FBXO38: variants seen among roughly 807,000 people sequenced by gnomAD.
FBXO38 encodes F-box only protein 38.
In FBXO38, 53 loss-of-function variants were observed where a neutral mutation model predicts 131.9. That is an observed-to-expected ratio of 0.40 (90% CI 0.32 to 0.51). FBXO38 has a LOEUF of 0.51. FBXO38 is among the 20% of genes least tolerant of loss of function. FBXO38 has a pLI of 0.53. For missense variants in FBXO38, 1,076 were observed against 1,475.6 expected (o/e 0.73, Z 4.44); for synonymous variants, 452 against 505.6 (o/e 0.89, Z 1.42).
In FBXO38 at chr5:148,427,666, G is replaced by A; in HGVS notation, c.2372G>A (p.Cys791Tyr). 1 of 1,614,200 alleles carries A rather than the reference G, an allele frequency of 6.2e-7. No individual in the cohort carries two copies. Among genetic ancestry groups the A allele is most frequent in the Non-Finnish European group, 8.5e-7 (1 of 1,180,036 alleles). ...PQESQRRTSRCSDEERPSTSR... is the reference protein window; with the variant it reads ...PQESQRRTSRYSDEERPSTSR... ...GAATCCCAAAGGAGAACTAGCAGGTGTTCTGATGAGGAACGTCCTTCAACC... is the reference window on the plus strand; with the variant it reads ...GAATCCCAAAGGAGAACTAGCAGGTATTCTGATGAGGAACGTCCTTCAACC... Residue 791 changes from cysteine to tyrosine, a missense_variant, in exon 15 of 22, where the codon TGT becomes TAT. This residue lies in a region of FBXO38 where 213 missense variants were observed against 225.2 expected (regional missense o/e 0.95). Transcript: ENST00000340253.
chr5:148,391,219 T>C (rs1167805989), intron 1 of FBXO38, among the ~76,000 whole-genome samples: 1 of 152,232 alleles, frequency 6.6e-6, no homozygotes, highest in Non-Finnish European at 1.5e-5. Flanking sequence ...AAATGGTTTT[T>C]AGCAGCAGCC....
chr5:148,407,622 T>C (rs1752513033), intron 7 of FBXO38, among the ~76,000 whole-genome samples: 1 of 150,782 alleles, frequency 6.6e-6, no homozygotes, highest in Admixed American at 6.6e-5. Context: ...TCAAAAGGCA[T>C]GATTGAGAGA....
At chr5:148,441,092 C>G in intron 20 of FBXO38, 32 bp from the exon 21 acceptor site, 1 of 1,531,308 alleles carries the variant, frequency 6.5e-7, no homozygotes, top group Non-Finnish European at 9.1e-7. Flanking sequence ...AGCACTCCCA[C>G]GCCAGTTAGC....
At chr5:148,405,333 T>TTTC in intron 6 of FBXO38, among the ~76,000 whole-genome samples, 1 of 152,212 alleles carries the variant, frequency 6.6e-6, no homozygotes, top group South Asian at 2.1e-4. Context: ...GCATAGGCTT[T>TTTC]TTCTTCTTCT....
At chr5:148,414,362 T>C in intron 10 of FBXO38, 56 bp downstream of exon 10, 1 of 1,349,076 alleles carries the variant, frequency 7.4e-7, no homozygotes, top group Non-Finnish European at 1.0e-6. Flanking sequence ...TAATACAACT[T>C]TCCATGTTTT....
intron 1 of FBXO38, among the ~76,000 whole-genome samples, chr5:148,385,828 A>C (rs1393884104): frequency 6.6e-6 from 1 of 152,232 alleles, no homozygotes; most frequent in East Asian, 1.9e-4. Context: ...AAAGAAAGGC[A>C]TGAGAAACTT....
rs1159494150 is a variant in FBXO38, at chr5:148,441,176, G to T, written c.3327G>T (p.Arg1109Ser). The change falls in exon 21 of 22, where the codon AGG becomes AGT. Residue 1109 changes from arginine (R) to serine (S), a missense_variant. By Grantham distance (110) the Arg-to-Ser change is moderately radical. Coordinates refer to ENST00000340253, the MANE Select transcript of FBXO38 (RefSeq NM_205836.3). The part of the protein sequence containing the change: ...YSMISDFPWL[R>S]SLRAAEPNSF... ...TGATTTCTGACTTCCCTTGGCTGAG[G>T]TCATTACGAGCTGCAGAGCCCAACA... 1 of 1,613,904 alleles carries T rather than the reference G, an allele frequency of 6.2e-7. No individual in the cohort carries two copies. The highest frequency in any genetic ancestry group is 1.7e-5 in the Admixed American group (1 of 59,972).
chr5:148,441,066 AG>A (rs1754656069), intron 20 of FBXO38, 57 bp from the exon 21 acceptor site: 3 of 1,095,390 alleles, frequency 2.7e-6, no homozygotes, highest in African/African-American at 1.5e-5. Flanking sequence ...AAAATACTGC[AG>A]AATTTGGCTC....
chr5:148,404,672 A>T lies in FBXO38; in HGVS notation c.593-13A>T, dbSNP rs61555444. ...TTTTTTCTTGTTTGTTCTTTTTTAT[A>T]TTTGTGTTTTAGGGGTGAATGTTCC... On this transcript the variant is annotated splice_polypyrimidine_tract_variant and intron_variant, in intron 5 of 21. Coordinates refer to ENST00000340253, the MANE Select transcript of FBXO38 (RefSeq NM_205836.3). 5.4e-3 allele frequency: 8,210 copies of T among 1,520,380 alleles called. 566 individuals carry two copies. The East Asian group carries it at 0.15, about 29-fold the overall frequency. The allele number at this position is 1,520,380 out of a possible 1,614,324, so 94.2% of individuals were successfully genotyped here. A position where few individuals can be genotyped will look rare whatever the true frequency, so the allele number is the denominator to read the frequency against.
At chr5:148,413,756 A>G (rs896825490) in intron 9 of FBXO38, 1 of 157,802 alleles carries the variant, frequency 6.3e-6, no homozygotes, top group Non-Finnish European at 1.4e-5. Context: ...ACATCATTTT[A>G]TTGTAAGGGA....
At position 148,414,114 on chromosome 5, in the gene FBXO38, TTTAA is replaced by T; in HGVS notation, c.1094-19_1094-16del. On this transcript the variant is annotated intron_variant, in intron 9 of 21. Coordinates refer to ENST00000340253, the MANE Select transcript of FBXO38 (RefSeq NM_205836.3). ...ACTTAAGAATTTGACTTTTTTTTTT[TTTAA>T]TTGATTGCTCTTTTTAGGCAGAATG... 5 of 1,580,378 alleles carry T rather than the reference TTTAA, an allele frequency of 3.2e-6. No individual in the cohort carries two copies. The highest frequency in any genetic ancestry group is 4.3e-6 in the Non-Finnish European group (5 of 1,169,704).
At chr5:148,399,239 T>C in intron 3 of FBXO38, 107 bp downstream of exon 3, 2 of 1,298,168 alleles carry the variant, frequency 1.5e-6, no homozygotes, top group Non-Finnish European at 1.1e-6. Context: ...CTAAGTCACC[T>C]TGTAGGCTGG....
At chr5:148,410,955 T>G in intron 9 of FBXO38, 190 bp downstream of exon 9, 1 of 543,992 alleles carries the variant, frequency 1.8e-6, no homozygotes, top group Non-Finnish European at 3.2e-6. Flanking sequence ...TTGCCTCTGA[T>G]TTTAGCATAT....
In FBXO38 at chr5:148,433,632, T is replaced by C. The variant is rs563946974; in HGVS notation, c.2755-3T>C. The stretch of plus-strand genomic sequence containing the variant: ...ATATAGTTTCTAATTTTTCTGCTTG[T>C]AGGTTCTTGTATTAAAATCCAAGAA... On this transcript the variant is annotated splice_polypyrimidine_tract_variant and splice_region_variant and intron_variant, in intron 16 of 21. Coordinates refer to ENST00000340253, the MANE Select transcript of FBXO38 (RefSeq NM_205836.3). 1 of 1,589,578 alleles carries C rather than the reference T, an allele frequency of 6.3e-7. No homozygotes were observed. Among genetic ancestry groups the C allele is most frequent in the Non-Finnish European group, 8.6e-7 (1 of 1,167,288 alleles).
At chr5:148,411,067 A>AT (rs1752723185) in intron 9 of FBXO38, among the ~76,000 whole-genome samples, 5 of 151,878 alleles carry the variant, frequency 3.3e-5, no homozygotes, top group Admixed American at 3.3e-4. Context: ...ATTCTGCTTC[A>AT]TTTTTTTCAC....
intron 10 of FBXO38, among the ~76,000 whole-genome samples, chr5:148,414,982 G>A (rs1752968603): frequency 6.6e-6 from 1 of 152,108 alleles, no homozygotes; most frequent in African/African-American, 2.4e-5. Flanking sequence ...AGCCTCCTCT[G>A]CTATTGAGTC....
At chr5:148,418,476 ACTCT>A (rs1753196527) in intron 12 of FBXO38, among the ~76,000 whole-genome samples, 3 of 152,104 alleles carry the variant, frequency 2.0e-5, no homozygotes, top group Admixed American at 2.0e-4. Context: ...TCCATGGTAT[ACTCT>A]TAAGCATTTC....
intron 17 of FBXO38, 36 bp downstream of exon 17, chr5:148,433,773 TGA>T (rs747373935): frequency 8.5e-7 from 1 of 1,182,326 alleles, no homozygotes; most frequent in African/African-American, 1.5e-5. Flanking sequence ...AAGAGTATCA[TGA>T]ATGAGTTAAA....
At chr5:148,408,235 A>G (rs1752547970) in intron 7 of FBXO38, among the ~76,000 whole-genome samples, 1 of 152,224 alleles carries the variant, frequency 6.6e-6, no homozygotes, top group Admixed American at 6.5e-5. Flanking sequence ...AAAAACAGTA[A>G]TGTTGGCTAG....
Sources: allele counts gnomAD v4.1 joint callset (sites outside exome capture counted in the v4.1 genomes callset), GRCh38; gene constraint gnomAD v4.1.1; regional missense constraint gnomAD v4.1.1; transcripts MANE v1.5; gene names NCBI Gene and HGNC (gene_info 2026-07-23, HGNC 2026-07-21).